Variants in RIMBP2 observed in about 807,000 individuals in gnomAD.
RIMBP2 encodes the protein RIMS-binding protein 2.
Under a neutral mutation model 118.6 loss-of-function variants are expected in RIMBP2, and 48 were observed. The observed-to-expected ratio is 0.40, with a 90% CI of 0.32 to 0.51. RIMBP2 has a LOEUF of 0.51. Ranked by LOEUF, RIMBP2 falls within the 20% of genes least tolerant of loss-of-function variation. The pLI is 0.41. For synonymous variants in RIMBP2, 762 were observed against 742.9 expected, an observed-to-expected ratio of 1.03 and a Z score of -0.42; for missense variants, 1,551 against 1,768.3, an observed-to-expected ratio of 0.88 and a Z score of 2.20.
chr12:130,544,043 C>A (rs756140893), intron 2 of RIMBP2, among the ~76,000 whole-genome samples: 1 of 152,178 alleles, frequency 6.6e-6, no homozygotes, highest in African/African-American at 2.4e-5. Context: ...TTAATTAGAT[C>A]CCTTGGAGAA....
In RIMBP2 at chr12:130,424,429, A is replaced by C; in HGVS notation, c.2842T>G (p.Cys948Gly). 8.1e-7 allele frequency: 1 copy of C among 1,232,680 alleles called. No individual in the cohort carries two copies. 76.4% of individuals were successfully genotyped at this position (1,232,680 alleles called of 1,614,324 possible). The change falls in exon 16 of 23, where the codon TGT becomes GGT. Residue 948 changes from cysteine to glycine, a missense_variant. Cys to Gly is a radical substitution (Grantham distance 159). Around this residue, in one of 5 missense-constraint regions of RIMBP2, gnomAD observed 1,038 missense variants for 1,125.1 expected, o/e 0.92. Coordinates refer to ENST00000690449, the MANE Select transcript of RIMBP2 (RefSeq NM_001393629.1). This position sits in a 1 kb window ranked among gnomAD's most constrained non-coding sequence, Gnocchi z 9.8. ...VAACSPGPGHCPCRRGPRPLL... is the reference protein window; with the variant it reads ...VAACSPGPGHGPCRRGPRPLL... ...GGCCTCGGGCCCCTCCTGCAGGGAC[A>C]GTGACCAGGGCCTGGGCTGCACGCG...
chr12:130,495,124 G>A (rs2049022065), intron 4 of RIMBP2, among the ~76,000 whole-genome samples: 1 of 152,190 alleles, frequency 6.6e-6, no homozygotes, highest in African/African-American at 2.4e-5. Flanking sequence ...AATGACATCT[G>A]GACAGACTCA....
At chr12:130,529,285 T>C (rs1378265887) in intron 2 of RIMBP2, among the ~76,000 whole-genome samples, 1 of 151,830 alleles carries the variant, frequency 6.6e-6, no homozygotes, top group Non-Finnish European at 1.5e-5. Flanking sequence ...ACAACAGGGA[T>C]GAACCTCAGA....
rs2051643477 is a variant in RIMBP2, at chr12:130,517,889, C to A, written c.-188G>T. ...ATGATGGGATCTCAGGAGATACTCT[C>A]CCTGGGTGGCATCCTTCAGTTCATT... On this transcript the variant is annotated 5_prime_UTR_variant, in exon 3 of 23. It introduces an in-frame stop codon into an upstream open reading frame of the 5' UTR. Transcript: ENST00000690449. 6.1e-6 allele frequency: 6 copies of A among 985,630 alleles called. No homozygotes were observed. Among genetic ancestry groups the A allele is most frequent in the Non-Finnish European group, 7.2e-6 (6 of 829,884 alleles). 61.1% of individuals were successfully genotyped at this position (985,630 alleles called of 1,614,324 possible).
chr12:130,542,326 G>A (rs896777561), intron 2 of RIMBP2, among the ~76,000 whole-genome samples: 1 of 152,144 alleles, frequency 6.6e-6, no homozygotes, highest in South Asian at 2.1e-4. Context: ...TGGGTGAGAG[G>A]ACCCCTACAT....
chr12:130,545,998 G>A (rs2055107515), intron 2 of RIMBP2, among the ~76,000 whole-genome samples: 1 of 151,976 alleles, frequency 6.6e-6, no homozygotes, highest in South Asian at 2.1e-4. Context: ...AAATGACTAA[G>A]AGACAAACAG....
intron 1 of RIMBP2, among the ~76,000 whole-genome samples, chr12:130,659,484 G>C (rs1289926559): frequency 6.6e-6 from 1 of 151,864 alleles, no homozygotes; most frequent in African/African-American, 2.4e-5. Flanking sequence ...CAGGAGAATG[G>C]CGTGAACCCG....
Position 130,604,828 on chromosome 12 carries a change from C to T in RIMBP2, c.-217+23494G>A, listed in dbSNP as rs534937094. 3.2e-3 allele frequency among the ~76,000 whole-genome samples: 462 copies of T among 142,518 alleles called. 6 individuals carry two copies. The highest frequency in any genetic ancestry group is 7.5e-3 in the Admixed American group (103 of 13,680). The allele number at this position is 142,518 out of a possible 152,430, so 93.5% of individuals were successfully genotyped here. A position where few individuals can be genotyped will look rare whatever the true frequency, so the allele number is the denominator to read the frequency against. On this transcript the variant is annotated intron_variant, in intron 2 of 22. Transcript: ENST00000690449. Reference sequence around the variant, plus strand: ...TGATCTCCTGACCTCGTGACCCGCCCACCTCGGCCTCCCAAAGTGCTGGGA... The same window carrying T: ...TGATCTCCTGACCTCGTGACCCGCCTACCTCGGCCTCCCAAAGTGCTGGGA...
At chr12:130,700,318 C>T (rs1381089836) in intron 1 of RIMBP2, among the ~76,000 whole-genome samples, 1 of 152,174 alleles carries the variant, frequency 6.6e-6, no homozygotes, top group Non-Finnish European at 1.5e-5. Flanking sequence ...CTCTAAGACA[C>T]CAGCCACACC....
intron 1 of RIMBP2, among the ~76,000 whole-genome samples, chr12:130,712,718 C>T (rs922391567): frequency 1.4e-4 from 21 of 152,256 alleles, no homozygotes; most frequent in East Asian, 9.7e-4. Context: ...TTATTATCAT[C>T]GAGCATCATG....
At chr12:130,566,626 T>C (rs999985797) in intron 2 of RIMBP2, among the ~76,000 whole-genome samples, 8 of 152,182 alleles carry the variant, frequency 5.3e-5, no homozygotes, top group African/African-American at 1.9e-4. Flanking sequence ...AAGTTGGAAG[T>C]GATCCATCAC....
At chr12:130,439,403 GTATA>G (rs1213130118) in intron 11 of RIMBP2, among the ~76,000 whole-genome samples, 1 of 150,364 alleles carries the variant, frequency 6.7e-6, no homozygotes, top group Non-Finnish European at 1.5e-5. Context: ...GCATGTGTAT[GTATA>G]TATGTGTATA....
chr12:130,547,570 C>T (rs1007709995), intron 2 of RIMBP2, among the ~76,000 whole-genome samples: 1 of 152,230 alleles, frequency 6.6e-6, no homozygotes, highest in African/African-American at 2.4e-5. Context: ...AACCCCAAAG[C>T]AGCAATGCTG....
intron 1 of RIMBP2, among the ~76,000 whole-genome samples, chr12:130,629,224 G>A (rs2061832219): frequency 6.6e-6 from 1 of 152,194 alleles, no homozygotes; most frequent in South Asian, 2.1e-4. Context: ...GTGAGAGGAA[G>A]GATAAAAAGC....
chr12:130,445,920 C>G (rs183615266), intron 9 of RIMBP2, among the ~76,000 whole-genome samples: 182 of 152,184 alleles, frequency 1.2e-3, no homozygotes, highest in African/African-American at 3.6e-3. Flanking sequence ...AATGATAAAT[C>G]CTAGGAAATA....
At chr12:130,602,789 T>C (rs2059950417) in intron 2 of RIMBP2, among the ~76,000 whole-genome samples, 2 of 152,252 alleles carry the variant, frequency 1.3e-5, no homozygotes, top group South Asian at 2.1e-4. Context: ...CCATTTTTAA[T>C]AGGATTTGGT....
intron 2 of RIMBP2, among the ~76,000 whole-genome samples, chr12:130,570,294 C>T (rs1266936088): frequency 6.6e-6 from 1 of 152,074 alleles, no homozygotes; most frequent in Non-Finnish European, 1.5e-5. Context: ...GGTATGGTGG[C>T]TTGCACCCGA....
rs866507640 is a variant in RIMBP2 at position 130,434,397 on chromosome 12, G to A, written c.2253+337C>T. Among the ~76,000 whole-genome samples the A allele has an allele frequency of 3.3e-5, 5 of 152,254 alleles. No homozygotes were observed. The highest frequency in any genetic ancestry group is 7.2e-5 in the African/African-American group (3 of 41,554). On this transcript the variant is annotated intron_variant, in intron 14 of 22. Transcript: ENST00000690449. The surrounding 1 kb of genome is among the most constrained non-coding windows in gnomAD (Gnocchi z 5.7). ...GCCAACAAACATCTGCCCAGTTAAC[G>A]GAGGTGAATGAGCGAATGGCAGGTT...
chr12:130,711,023 G>A (rs375085794), intron 1 of RIMBP2, among the ~76,000 whole-genome samples: 11 of 152,200 alleles, frequency 7.2e-5, no homozygotes, highest in South Asian at 2.1e-4. Flanking sequence ...TGGGCAAATC[G>A]CCTGAGGTCA....
Sources: gnomAD v4.1 joint callset for allele counts (sites outside exome capture counted in the v4.1 genomes callset) on GRCh38, gnomAD v4.1.1 for gene constraint, gnomAD v4.1.1 regional missense constraint, Gnocchi (gnomAD v3.1) non-coding constraint, MANE v1.5 for transcripts, NCBI Gene and HGNC (gene_info 2026-07-23, HGNC 2026-07-21) for gene names.